The following TRIM5 variants were observed in gnomAD, a reference collection of about 807,000 sequenced individuals.
TRIM5 encodes tripartite motif containing 5.
In TRIM5, 31 loss-of-function variants were observed where a neutral mutation model predicts 35.6. The observed-to-expected ratio is 0.87, with a 90% CI of 0.65 to 1.18. TRIM5 has a LOEUF of 1.18. Ranked by LOEUF, TRIM5 falls within the 50% of genes most tolerant of loss-of-function variation. The pLI, the probability that TRIM5 is intolerant of heterozygous loss-of-function variation, is 0.00. For missense variants in TRIM5, 609 were observed against 591.6 expected (o/e 1.03, Z -0.31); for synonymous variants, 243 against 215.6 (o/e 1.13, Z -1.11).
the TRIM5 span, among the ~76,000 whole-genome samples, chr11:5,607,542 G>A: frequency 1.3e-5 from 2 of 152,168 alleles, no homozygotes; most frequent in Non-Finnish European, 2.9e-5. Context: ...AAGATAAAAA[G>A]ACCAAATAGA....
chr11:5,598,608 T>C, the TRIM5 span, among the ~76,000 whole-genome samples: 1 of 152,090 alleles, frequency 6.6e-6, no homozygotes, highest in Non-Finnish European at 1.5e-5. Flanking sequence ...ATTAATAAGA[T>C]CCTTTAACTT....
chr11:5,662,621 C>T (rs1850868839), downstream of TRIM5, among the ~76,000 whole-genome samples: 3 of 152,122 alleles, frequency 2.0e-5, no homozygotes, highest in Admixed American at 1.3e-4. Context: ...CTTAAAACAA[C>T]TTAAGACTAG....
At position 5,675,662 on chromosome 11, in the gene TRIM5, CTTT is replaced by C. The variant is rs71053292; in HGVS notation, c.744+2539_744+2541del. Among the ~76,000 whole-genome samples, 1,174 of 141,702 alleles carry C rather than the reference CTTT, an allele frequency of 8.3e-3. 13 individuals carry two copies. The highest frequency in any genetic ancestry group is 0.026 in the African/African-American group (992 of 37,584). 93.0% of individuals were successfully genotyped at this position (141,702 alleles called of 152,430 possible). A position where few individuals can be genotyped will look rare whatever the true frequency, so the allele number is the denominator to read the frequency against. On this transcript the variant is annotated intron_variant, in intron 4 of 7. Coordinates refer to ENST00000380034, the MANE Select transcript of TRIM5 (RefSeq NM_033034.3). The stretch of plus-strand genomic sequence containing the variant: ...TGGGGGTGCTAGCTTTCTTGCATTT[CTTT>C]TTTTTTTTTTTTCTTCTGTTGTGTT...
the TRIM5 span, chr11:5,632,109 C>G: frequency 8.7e-7 from 1 of 1,155,394 alleles, no homozygotes; most frequent in African/African-American, 1.6e-5. Flanking sequence ...AACAGCTCGC[C>G]CAGACCACTT....
the TRIM5 span, chr11:5,596,520 T>TTCCCCCC: frequency 2.9e-4 from 2 of 6,984 alleles, no homozygotes; most frequent in Non-Finnish European, 7.0e-4. Context: ...CGTTCTCCCC[T>TTCCCCCC]TCCCCCCTTC....
At chr11:5,652,715 A>C in the TRIM5 span, among the ~76,000 whole-genome samples, 927 of 152,228 alleles carry the variant, frequency 6.1e-3, 16 homozygotes, top group African/African-American at 0.021. Flanking sequence ...TGTCCTTGGT[A>C]GTTTGATAGG....
At chr11:5,597,361 T>G in the TRIM5 span, among the ~76,000 whole-genome samples, 5 of 152,196 alleles carry the variant, frequency 3.3e-5, no homozygotes, top group Admixed American at 2.6e-4. Flanking sequence ...TTTAAAAAAA[T>G]GCACAATCAA....
At chr11:5,632,228 T>C in the TRIM5 span, 15 of 1,568,676 alleles carry the variant, frequency 9.6e-6, no homozygotes, top group Admixed American at 1.9e-5. Flanking sequence ...GTACCATTCT[T>C]ATACCATCCC....
chr11:5,636,567 T>C, the TRIM5 span, among the ~76,000 whole-genome samples: 2 of 152,194 alleles, frequency 1.3e-5, no homozygotes, highest in Non-Finnish European at 2.9e-5. Flanking sequence ...TAGGCCCTTT[T>C]TTATGGTTCT....
the TRIM5 span, among the ~76,000 whole-genome samples, chr11:5,606,926 G>A: frequency 2.6e-5 from 4 of 152,162 alleles, no homozygotes; most frequent in Non-Finnish European, 5.9e-5. Flanking sequence ...AGCCAAGGCC[G>A]AGCGCGGTGG....
At chr11:5,600,626 C>A in the TRIM5 span, among the ~76,000 whole-genome samples, 1 of 152,134 alleles carries the variant, frequency 6.6e-6, no homozygotes, top group Admixed American at 6.5e-5. Context: ...CTTTTTAAAT[C>A]CACCAGGTCC....
the TRIM5 span, among the ~76,000 whole-genome samples, chr11:5,594,177 C>A: frequency 3.9e-5 from 6 of 152,178 alleles, no homozygotes; most frequent in Non-Finnish European, 8.8e-5. Context: ...ACCTTCATTT[C>A]TTCTCAACCG....
At chr11:5,660,972 G>A (rs1253893290), downstream of TRIM5, among the ~76,000 whole-genome samples, 2 of 132,814 alleles carry the variant, frequency 1.5e-5, no homozygotes, top group East Asian at 4.7e-4. Flanking sequence ...AACCCAGGAG[G>A]TGGAGGTTGC....
At chr11:5,630,210 T>C in the TRIM5 span, among the ~76,000 whole-genome samples, 7 of 152,136 alleles carry the variant, frequency 4.6e-5, no homozygotes, top group East Asian at 1.9e-4. Context: ...CCAAAAAGAA[T>C]AAAAATAAAA....
chr11:5,619,374 G>A, the TRIM5 span, among the ~76,000 whole-genome samples: 14 of 152,274 alleles, frequency 9.2e-5, no homozygotes, highest in African/African-American at 3.4e-4. Flanking sequence ...TTTGGAGAAA[G>A]CATTCTGCTT....
the TRIM5 span, among the ~76,000 whole-genome samples, chr11:5,623,953 G>C: frequency 6.6e-6 from 1 of 152,162 alleles, no homozygotes; most frequent in Admixed American, 6.5e-5. Context: ...GGTAGACTAG[G>C]ATTGTTTTGA....
At chr11:5,607,059 C>A in the TRIM5 span, among the ~76,000 whole-genome samples, 1 of 152,094 alleles carries the variant, frequency 6.6e-6, no homozygotes, top group African/African-American at 2.4e-5. Context: ...AAAAAATTAG[C>A]CGGGCGTGGT....
At chr11:5,597,224 A>G in the TRIM5 span, among the ~76,000 whole-genome samples, 1 of 152,282 alleles carries the variant, frequency 6.6e-6, no homozygotes, top group South Asian at 2.1e-4. Flanking sequence ...TCTTCCATCT[A>G]TAAGATGGAC....
chr11:5,633,983 G>A, the TRIM5 span: 4 of 1,423,258 alleles, frequency 2.8e-6, no homozygotes, highest in East Asian at 2.4e-5. Flanking sequence ...TTTATTCCTT[G>A]ACATTGCATG....
Sources: gnomAD v4.1 joint callset for allele counts (sites outside exome capture counted in the v4.1 genomes callset) on GRCh38, gnomAD v4.1.1 for gene constraint, MANE v1.5 for transcripts, NCBI Gene and HGNC (gene_info 2026-07-23, HGNC 2026-07-21) for gene names.